Variants in GRM8 observed in about 807,000 individuals in gnomAD.
GRM8 encodes glutamate metabotropic receptor 8, also known as metabotropic glutamate receptor 8.
Under a neutral mutation model 87.2 loss-of-function variants are expected in GRM8, and 47 were observed. The observed-to-expected ratio is 0.54, with a 90% CI of 0.43 to 0.69. GRM8 has a LOEUF of 0.69. GRM8 is among the 30% of genes least tolerant of loss of function. The probability of loss-of-function intolerance (pLI) is 0.00; values close to 1 mark genes in which losing one functional copy is unlikely to be tolerated. For missense variants in GRM8, 1,019 were observed against 1,139.2 expected, an observed-to-expected ratio of 0.89 and a Z score of 1.52; for synonymous variants, 396 against 404.5, an observed-to-expected ratio of 0.98 and a Z score of 0.25.
intron 9 of GRM8, among the ~76,000 whole-genome samples, chr7:126,503,470 G>A (rs1221458874): frequency 6.6e-6 from 1 of 151,952 alleles, no homozygotes; most frequent in Non-Finnish European, 1.5e-5. Context: ...AGGACTAGAA[G>A]GCTAGGAAAA....
intron 7 of GRM8, among the ~76,000 whole-genome samples, chr7:126,699,208 A>C (rs1219084174): frequency 6.6e-6 from 1 of 152,210 alleles, no homozygotes; most frequent in Non-Finnish European, 1.5e-5. Flanking sequence ...CATGAAAGGA[A>C]AAGACTAATG....
intron 2 of GRM8, among the ~76,000 whole-genome samples, chr7:127,143,924 T>C (rs1766782225): frequency 6.6e-6 from 1 of 152,138 alleles, no homozygotes; most frequent in Admixed American, 6.5e-5. Context: ...GTGCTAAAAA[T>C]ATTTTGATAT....
intron 3 of GRM8, among the ~76,000 whole-genome samples, chr7:126,971,648 T>C (rs1019220618): frequency 1.3e-5 from 2 of 152,154 alleles, no homozygotes; most frequent in Admixed American, 1.3e-4. Context: ...AGGAGGGCTA[T>C]GAGTCCATGA....
chr7:126,634,864 C>T (rs1343986919), intron 7 of GRM8, among the ~76,000 whole-genome samples: 1 of 152,116 alleles, frequency 6.6e-6, no homozygotes, highest in African/African-American at 2.4e-5. Flanking sequence ...TTAATGTTTA[C>T]TTTTAATGAT....
At chr7:126,780,640 T>C (rs986120241) in intron 6 of GRM8, among the ~76,000 whole-genome samples, 1 of 151,860 alleles carries the variant, frequency 6.6e-6, no homozygotes, top group Non-Finnish European at 1.5e-5. Context: ...CAAAAGCCCA[T>C]TGATGGGGGC....
At chr7:126,807,628 CT>C in intron 6 of GRM8, among the ~76,000 whole-genome samples, 1 of 152,084 alleles carries the variant, frequency 6.6e-6, no homozygotes, top group East Asian at 1.9e-4. Flanking sequence ...CATCTCCTCC[CT>C]TCACTTCTCC....
intron 2 of GRM8, among the ~76,000 whole-genome samples, chr7:127,181,494 T>A (rs556576014): frequency 6.6e-6 from 1 of 151,868 alleles, no homozygotes; most frequent in Admixed American, 6.6e-5. Context: ...TAGAAAAACA[T>A]TCTAAAATTC....
intron 3 of GRM8, among the ~76,000 whole-genome samples, chr7:126,990,079 A>G (rs529286813): frequency 1.8e-4 from 27 of 152,322 alleles, no homozygotes; most frequent in Non-Finnish European, 3.5e-4. Flanking sequence ...ATTGCCTTTA[A>G]AATTCATACA....
At chr7:126,550,417 A>T (rs1792464769) in intron 8 of GRM8, among the ~76,000 whole-genome samples, 1 of 152,158 alleles carries the variant, frequency 6.6e-6, no homozygotes, top group Admixed American at 6.6e-5. Flanking sequence ...CGGCCGAAAA[A>T]GTATTTTTAA....
intron 6 of GRM8, among the ~76,000 whole-genome samples, chr7:126,806,931 C>T (rs1034226396): frequency 6.6e-6 from 1 of 152,186 alleles, no homozygotes; most frequent in Non-Finnish European, 1.5e-5. Context: ...CTCGGCCAGC[C>T]CCAGAGAGGG....
chr7:127,083,401 C>T (rs922780023), intron 3 of GRM8, among the ~76,000 whole-genome samples: 1 of 152,074 alleles, frequency 6.6e-6, no homozygotes, highest in Admixed American at 6.6e-5. Flanking sequence ...TTATTTAGGA[C>T]CTTGTTATTC....
At chr7:126,989,843 TC>T (rs1812465833) in intron 3 of GRM8, among the ~76,000 whole-genome samples, 1 of 151,854 alleles carries the variant, frequency 6.6e-6, no homozygotes, top group South Asian at 2.1e-4. Context: ...GTGCCTGTGG[TC>T]CCAGCTACTC....
At chr7:126,676,333 ATCAAAATACCAAC>A (rs1806955245) in intron 7 of GRM8, among the ~76,000 whole-genome samples, 1 of 152,212 alleles carries the variant, frequency 6.6e-6, no homozygotes, top group African/African-American at 2.4e-5. Flanking sequence ...TGCAATTCTT[ATCAAAATACCAAC>A]ATAATTTTTC....
intron 3 of GRM8, among the ~76,000 whole-genome samples, chr7:127,045,029 A>G (rs1480452844): frequency 6.6e-6 from 1 of 152,162 alleles, no homozygotes; most frequent in African/African-American, 2.4e-5. Flanking sequence ...CCACTATGTC[A>G]TGAATGTGGT....
intron 8 of GRM8, among the ~76,000 whole-genome samples, chr7:126,593,124 G>T (rs57121551): frequency 0.31 from 46,902 of 151,760 alleles, 8,123 homozygotes; most frequent in East Asian, 0.44. Flanking sequence ...AGAAATAAAT[G>T]AAAAGATATC....
intron 9 of GRM8, among the ~76,000 whole-genome samples, chr7:126,454,575 G>T (rs1341986216): frequency 6.6e-6 from 1 of 151,052 alleles, no homozygotes; most frequent in Non-Finnish European, 1.5e-5. Context: ...GGGCTGAATT[G>T]TGTCTCCTCC....
At chr7:127,216,519 AAAAAAAAAAAAAAAAC>A (rs1745949820) in intron 2 of GRM8, among the ~76,000 whole-genome samples, 2 of 98,002 alleles carry the variant, frequency 2.0e-5, no homozygotes, top group African/African-American at 7.7e-5. Context: ...CTCCGTCTCA[AAAAAAAAAAAAAAAAC>A]AAAAAAAAAA....
At chr7:126,745,628 T>C (rs1456550511) in intron 7 of GRM8, among the ~76,000 whole-genome samples, 1 of 151,722 alleles carries the variant, frequency 6.6e-6, no homozygotes, top group African/African-American at 2.4e-5. Context: ...ACACTAGGCA[T>C]AAAATGTGAA....
chr7:126,539,729 C>A (rs1483853889), intron 8 of GRM8, among the ~76,000 whole-genome samples: 1 of 150,786 alleles, frequency 6.6e-6, no homozygotes, highest in East Asian at 1.9e-4. Flanking sequence ...AAAATGATGC[C>A]AAAATAACTG....
Sources: allele counts gnomAD v4.1 joint callset (sites outside exome capture counted in the v4.1 genomes callset), GRCh38; gene constraint gnomAD v4.1.1; transcripts MANE v1.5; gene names NCBI Gene and HGNC (gene_info 2026-07-23, HGNC 2026-07-21).